Variants in LOXHD1 observed in about 807,000 individuals in gnomAD.
LOXHD1 encodes lipoxygenase homology domain-containing protein 1.
In LOXHD1, 205 loss-of-function variants were observed where a neutral mutation model predicts 248.2. That is an observed-to-expected ratio of 0.83 (90% CI 0.74 to 0.93). The LOEUF is 0.93. LOXHD1 is among the 40% of genes least tolerant of loss of function. The pLI, the probability that LOXHD1 is intolerant of heterozygous loss-of-function variation, is 0.00. For missense variants in LOXHD1, 2,930 were observed against 2,971.6 expected (o/e 0.99, Z 0.33); for synonymous variants, 1,113 against 1,162.8 (o/e 0.96, Z 0.87).
intron 6 of LOXHD1, among the ~76,000 whole-genome samples, chr18:46,605,415 T>TCAGGAGGCTG (rs1555685489): frequency 6.6e-6 from 1 of 151,582 alleles, no homozygotes; most frequent in African/African-American, 2.4e-5. Flanking sequence ...TAGTCTCAGC[T>TCAGGAGGCTG]ACGCAGGAGA....
At chr18:46,547,130 A>G (rs2036883617) in intron 21 of LOXHD1, 72 bp from the exon 22 acceptor site, 1 of 1,514,662 alleles carries the variant, frequency 6.6e-7, no homozygotes, top group Non-Finnish European at 9.0e-7. Context: ...TCATGGGCTG[A>G]GAATGAGAGG....
chr18:46,498,930 C>G (rs1486161261), intron 37 of LOXHD1, among the ~76,000 whole-genome samples: 2 of 152,120 alleles, frequency 1.3e-5, no homozygotes, highest in Non-Finnish European at 2.9e-5. Flanking sequence ...CTAGAAACCC[C>G]TCAGTCACCT....
intron 5 of LOXHD1, among the ~76,000 whole-genome samples, chr18:46,617,462 C>A (rs12961411): frequency 0.17 from 26,503 of 152,132 alleles, 2,736 homozygotes; most frequent in East Asian, 0.44. Flanking sequence ...CTTCCAGGAG[C>A]CACCACATCT....
intron 21 of LOXHD1, among the ~76,000 whole-genome samples, chr18:46,553,794 C>T (rs117434028): frequency 2.9e-4 from 44 of 152,192 alleles, no homozygotes; most frequent in African/African-American, 8.2e-4. Context: ...GAAGAGGGTA[C>T]GCTAGGCCTC....
At chr18:46,588,998 A>T (rs1322262749) in intron 12 of LOXHD1, among the ~76,000 whole-genome samples, 1 of 152,198 alleles carries the variant, frequency 6.6e-6, no homozygotes, top group Admixed American at 6.5e-5. Flanking sequence ...ATCCCAAATT[A>T]AGTGGCAGGG....
At chr18:46,610,064 T>TA (rs1222915031) in intron 6 of LOXHD1, among the ~76,000 whole-genome samples, 1 of 152,190 alleles carries the variant, frequency 6.6e-6, no homozygotes, top group Non-Finnish European at 1.5e-5. Context: ...CAAGAAAGCG[T>TA]ACGCTTGGAT....
chr18:46,477,345 A>G lies in LOXHD1; in HGVS notation c.*127T>C, dbSNP rs893424824. ...GTAGGGTGGGGAGCAGGACCCCATG[A>G]AGTTCTCAGTGGACTGCTAGCCCCC... On this transcript the variant is annotated 3_prime_UTR_variant, in exon 41 of 41. Transcript: ENST00000642948. 8 of 1,294,632 alleles carry G rather than the reference A, an allele frequency of 6.2e-6. No homozygotes were observed. Among genetic ancestry groups the G allele is most frequent in the Non-Finnish European group, 8.7e-6 (8 of 919,026 alleles). 80.2% of individuals were successfully genotyped at this position (1,294,632 alleles called of 1,614,324 possible). A position where few individuals can be genotyped will look rare whatever the true frequency, so the allele number is the denominator to read the frequency against.
At chr18:46,580,491 G>A (rs2037941663) in intron 12 of LOXHD1, among the ~76,000 whole-genome samples, 1 of 152,182 alleles carries the variant, frequency 6.6e-6, no homozygotes, top group African/African-American at 2.4e-5. Context: ...ATCCCTGCAT[G>A]CCCAGCCCTC....
chr18:46,560,611 C>T (rs540345467), intron 18 of LOXHD1, 66 bp from the exon 19 acceptor site: 29 of 1,406,116 alleles, frequency 2.1e-5, no homozygotes, highest in East Asian at 5.0e-5. Context: ...CCAACACCCC[C>T]GCCCAACAAA....
At chr18:46,532,076 G>A (rs1286122797) in intron 28 of LOXHD1, among the ~76,000 whole-genome samples, 1 of 152,182 alleles carries the variant, frequency 6.6e-6, no homozygotes, top group African/African-American at 2.4e-5. Context: ...CTGTCTTCCT[G>A]TCTCCATAAG....
chr18:46,653,701 T>C (rs1489578296), intron 1 of LOXHD1, among the ~76,000 whole-genome samples: 1 of 152,218 alleles, frequency 6.6e-6, no homozygotes. Context: ...TGAATAAATA[T>C]GGAACAAAAC....
intron 12 of LOXHD1, among the ~76,000 whole-genome samples, chr18:46,591,332 G>A (rs910779965): frequency 6.6e-6 from 1 of 152,204 alleles, no homozygotes; most frequent in African/African-American, 2.4e-5. Flanking sequence ...AGACTCATGG[G>A]AGAGAATGTT....
intron 8 of LOXHD1, among the ~76,000 whole-genome samples, chr18:46,596,975 G>A (rs770496336): frequency 5.3e-5 from 8 of 152,136 alleles, no homozygotes; most frequent in Non-Finnish European, 1.2e-4. Flanking sequence ...GAAGAAAATT[G>A]ACACCAGAAA....
At chr18:46,502,498 A>C (rs1439305173) in intron 37 of LOXHD1, among the ~76,000 whole-genome samples, 18 of 152,272 alleles carry the variant, frequency 1.2e-4, no homozygotes, top group Admixed American at 1.2e-3. Flanking sequence ...ATGCATAGTA[A>C]TCTGGACCAT....
rs765238879 is a variant in LOXHD1 at position 46,601,304 on chromosome 18, G to A, written c.1047C>T (p.Ile349=). The change falls in exon 8 of 41, where the codon ATC becomes ATT. Residue 349 remains isoleucine, a synonymous_variant. Transcript: ENST00000642948. The part of the protein sequence containing the change: ...FDRGRTDIFH[I]ELAVLLSPLS... ...GGGGGCTAAGGAGGACAGCCAGCTCGATGTGGAAGATGTCCGTGCGGCCTC... is the reference window on the plus strand; with the variant it reads ...GGGGGCTAAGGAGGACAGCCAGCTCAATGTGGAAGATGTCCGTGCGGCCTC... 1 of 1,551,710 alleles carries A rather than the reference G, an allele frequency of 6.4e-7. No homozygotes were observed. The highest frequency in any genetic ancestry group is 8.7e-7 in the Non-Finnish European group (1 of 1,146,990).
intron 25 of LOXHD1, among the ~76,000 whole-genome samples, chr18:46,540,186 T>C (rs1258940148): frequency 6.6e-6 from 1 of 152,196 alleles, no homozygotes; most frequent in Non-Finnish European, 1.5e-5. Flanking sequence ...CAAAGTCACA[T>C]GGTAGAACTT....
intron 23 of LOXHD1, chr18:46,544,803 C>T (rs1303906511): frequency 2.1e-6 from 1 of 471,190 alleles, no homozygotes; most frequent in South Asian, 1.5e-5. Context: ...GGGTTAGGTC[C>T]ATTTATTCTT....
chr18:46,568,816 T>C (rs959442966), intron 16 of LOXHD1, among the ~76,000 whole-genome samples: 1 of 152,220 alleles, frequency 6.6e-6, no homozygotes, highest in Non-Finnish European at 1.5e-5. Context: ...CTTTTCCTGA[T>C]GGCAGTGGTA....
At chr18:46,599,135 G>T (rs2038299931) in intron 8 of LOXHD1, among the ~76,000 whole-genome samples, 1 of 152,144 alleles carries the variant, frequency 6.6e-6, no homozygotes, top group Non-Finnish European at 1.5e-5. Flanking sequence ...GCAAAGCCAT[G>T]CATTTTGTGA....
Sources: allele counts gnomAD v4.1 joint callset (sites outside exome capture counted in the v4.1 genomes callset), GRCh38; gene constraint gnomAD v4.1.1; transcripts MANE v1.5; gene names NCBI Gene and HGNC (gene_info 2026-07-23, HGNC 2026-07-21).